The following PPARGC1A variants were observed in gnomAD, a reference collection of about 807,000 sequenced individuals.
The protein encoded by PPARGC1A is PPARG coactivator 1 alpha.
In PPARGC1A, 25 loss-of-function variants were observed where a neutral mutation model predicts 88.7. The ratio of observed to expected loss-of-function variants is 0.28; its 90% CI spans 0.21 to 0.39. The LOEUF (loss-of-function observed/expected upper bound fraction) is 0.39, where lower values mean the gene tolerates loss of function less well. Among genes scored for constraint, PPARGC1A ranks in the 10% least tolerant of loss-of-function variants. The pLI is 1.00. For synonymous variants in PPARGC1A, 363 were observed against 355.6 expected (o/e 1.02, Z -0.24); for missense variants, 880 against 968.7 (o/e 0.91, Z 1.22).
the PPARGC1A span, among the ~76,000 whole-genome samples, chr4:24,395,924 AT>A: frequency 1.3e-5 from 2 of 152,078 alleles, no homozygotes; most frequent in Non-Finnish European, 2.9e-5. Context: ...TAATTACATT[AT>A]TTTTCTCTCC....
chr4:24,177,686 A>AG, the PPARGC1A span, among the ~76,000 whole-genome samples: 1 of 150,438 alleles, frequency 6.6e-6, no homozygotes. Context: ...AAAAGGAAAA[A>AG]AAAAAGAATC....
chr4:24,145,757 C>T, the PPARGC1A span, among the ~76,000 whole-genome samples: 21 of 152,312 alleles, frequency 1.4e-4, no homozygotes, highest in East Asian at 1.9e-4. Context: ...GCATAACAAA[C>T]GAATAGCAAA....
the PPARGC1A span, among the ~76,000 whole-genome samples, chr4:24,339,235 T>TACACAC: frequency 2.2e-4 from 24 of 110,206 alleles, no homozygotes; most frequent in African/African-American, 5.2e-4. Flanking sequence ...TATATATATA[T>TACACAC]ATACACACAC....
the PPARGC1A span, among the ~76,000 whole-genome samples, chr4:24,140,670 T>C: frequency 1.3e-5 from 2 of 152,132 alleles, no homozygotes; most frequent in African/African-American, 2.4e-5. Context: ...CAAAGAAAGG[T>C]GAATCTCTTT....
At chr4:24,002,222 G>C in the PPARGC1A span, among the ~76,000 whole-genome samples, 4 of 152,148 alleles carry the variant, frequency 2.6e-5, no homozygotes, top group Non-Finnish European at 5.9e-5. Context: ...TGCCTCCTGG[G>C]GTTCAAGCCA....
At chr4:23,820,431 C>A (rs1183992875) in intron 7 of PPARGC1A, 1 of 215,362 alleles carries the variant, frequency 4.6e-6, no homozygotes, top group Non-Finnish European at 9.7e-6. Context: ...ACTTTGGTCC[C>A]TACCCAAATT....
At chr4:24,169,341 C>T in the PPARGC1A span, among the ~76,000 whole-genome samples, 1 of 152,014 alleles carries the variant, frequency 6.6e-6, no homozygotes. Context: ...TGGATGGGAT[C>T]CCAGAACAGA....
At chr4:23,801,581 T>C (rs1038553056) in intron 12 of PPARGC1A, 149 bp downstream of exon 12, 1 of 900,474 alleles carries the variant, frequency 1.1e-6, no homozygotes, top group African/African-American at 1.7e-5. Context: ...TGAAACTGTC[T>C]TATACGTTTT....
At chr4:24,126,179 C>T in the PPARGC1A span, among the ~76,000 whole-genome samples, 7 of 151,966 alleles carry the variant, frequency 4.6e-5, no homozygotes, top group African/African-American at 1.7e-4. Flanking sequence ...AGATGCCAAA[C>T]GCGCATTATT....
the PPARGC1A span, among the ~76,000 whole-genome samples, chr4:24,281,737 G>C: frequency 6.6e-6 from 1 of 152,138 alleles, no homozygotes; most frequent in East Asian, 1.9e-4. Context: ...CAGAGATCAT[G>C]CCTCTGTTTC....
At chr4:23,913,261 TATATATAGAGAGAGAGAGAGAGAGAG>T in the PPARGC1A span, among the ~76,000 whole-genome samples, 3 of 54,614 alleles carry the variant, frequency 5.5e-5, no homozygotes, top group African/African-American at 1.7e-4. Flanking sequence ...TATATATATA[TATATATAGAGAGAGAGAGAGAGAGAG>T]AGAGAGAGAG....
At chr4:24,242,242 C>T in the PPARGC1A span, among the ~76,000 whole-genome samples, 8 of 152,292 alleles carry the variant, frequency 5.3e-5, no homozygotes, top group African/African-American at 1.9e-4. Context: ...CCCTTCAGAG[C>T]CTCATCTTCA....
chr4:24,328,866 G>A, the PPARGC1A span, among the ~76,000 whole-genome samples: 1 of 152,194 alleles, frequency 6.6e-6, no homozygotes, highest in South Asian at 2.1e-4. Context: ...GTTAGTGCAG[G>A]TGGCTTTCAC....
the PPARGC1A span, among the ~76,000 whole-genome samples, chr4:24,334,232 G>A: frequency 2.6e-5 from 4 of 152,074 alleles, no homozygotes; most frequent in Non-Finnish European, 4.4e-5. Flanking sequence ...CAAGTACCTC[G>A]CCTTTTCATA....
At chr4:24,440,732 G>T in the PPARGC1A span, among the ~76,000 whole-genome samples, 1 of 152,006 alleles carries the variant, frequency 6.6e-6, no homozygotes, top group Admixed American at 6.6e-5. Context: ...AGCTGAGGAG[G>T]TCAAAGCTGC....
chr4:24,299,097 C>T, the PPARGC1A span, among the ~76,000 whole-genome samples: 2 of 152,038 alleles, frequency 1.3e-5, no homozygotes, highest in Non-Finnish European at 2.9e-5. Context: ...TATAGCAAAA[C>T]CAATGCACAA....
At chr4:23,999,415 C>T in the PPARGC1A span, among the ~76,000 whole-genome samples, 4 of 152,120 alleles carry the variant, frequency 2.6e-5, no homozygotes, top group Non-Finnish European at 5.9e-5. Context: ...TGCAGTGAGC[C>T]CACTAAAATG....
chr4:23,927,943 T>A, the PPARGC1A span, among the ~76,000 whole-genome samples: 1 of 152,236 alleles, frequency 6.6e-6, no homozygotes, highest in East Asian at 1.9e-4. Context: ...GTGTCAAGCA[T>A]TAATCTTTTG....
the PPARGC1A span, among the ~76,000 whole-genome samples, chr4:24,434,387 G>A: frequency 6.6e-6 from 1 of 152,148 alleles, no homozygotes; most frequent in African/African-American, 2.4e-5. Flanking sequence ...CTATATCAGG[G>A]TGCCCGGGAG....
Sources: gnomAD v4.1 joint callset for allele counts (sites outside exome capture counted in the v4.1 genomes callset) on GRCh38, gnomAD v4.1.1 for gene constraint, MANE v1.5 for transcripts, NCBI Gene and HGNC (gene_info 2026-07-23, HGNC 2026-07-21) for gene names.